The following ALX3 variants were observed in gnomAD, a reference collection of about 807,000 sequenced individuals.
ALX3 encodes ALX homeobox 3.
In ALX3, 17 loss-of-function variants were observed where a neutral mutation model predicts 26.3. The ratio of observed to expected loss-of-function variants is 0.65; its 90% CI spans 0.44 to 0.97. The LOEUF (loss-of-function observed/expected upper bound fraction) is 0.97, where lower values mean the gene tolerates loss of function less well. ALX3 is among the 50% of genes least tolerant of loss of function. The probability of loss-of-function intolerance (pLI) is 0.00; values close to 1 mark genes in which losing one functional copy is unlikely to be tolerated. For missense variants in ALX3, 461 were observed against 466.5 expected, an observed-to-expected ratio of 0.99 and a Z score of 0.11; for synonymous variants, 208 against 201.4, an observed-to-expected ratio of 1.03 and a Z score of -0.28.
Position 110,070,312 on chromosome 1 carries a change from G to A in ALX3, c.277+24C>T, listed in dbSNP as rs773601805. 60 of 1,292,066 alleles carry A rather than the reference G, an allele frequency of 4.6e-5. No homozygotes were observed. In the East Asian group the frequency reaches 1.1e-3, roughly 23 times the overall value. 80.0% of individuals were successfully genotyped at this position (1,292,066 alleles called of 1,614,324 possible). On this transcript the variant is annotated intron_variant, in intron 1 of 3. Coordinates refer to ENST00000647563, the MANE Select transcript of ALX3 (RefSeq NM_006492.3). ...AGAAGAAGAGAGGGTCGGGCTGCGC[G>A]CTACGCCCCGCGCCGCGCGTTACCT...
chr1:110,066,776 C>G (rs1373864439), intron 1 of ALX3, among the ~76,000 whole-genome samples: 2 of 152,174 alleles, frequency 1.3e-5, no homozygotes, highest in Non-Finnish European at 2.9e-5. Flanking sequence ...AGAGGCCCTC[C>G]AAAGCCCTGG....
At chr1:110,061,623 G>T (rs1653649191) in intron 2 of ALX3, 60 bp from the exon 3 acceptor site, 4 of 1,605,800 alleles carry the variant, frequency 2.5e-6, no homozygotes, top group Non-Finnish European at 3.4e-6. Flanking sequence ...AAAGGAGCCT[G>T]CTAGGGAGAG....
intron 3 of ALX3, 91 bp downstream of exon 3, chr1:110,061,344 C>T (rs923489029): frequency 3.7e-5 from 59 of 1,591,414 alleles, no homozygotes; most frequent in Middle Eastern, 3.3e-4. Context: ...TCATACAGAA[C>T]GCTGACGCTC....
intron 3 of ALX3, 157 bp from the exon 4 acceptor site, chr1:110,061,198 G>C: frequency 1.0e-6 from 1 of 1,003,446 alleles, no homozygotes; most frequent in Non-Finnish European, 1.5e-6. Flanking sequence ...ACTGGCAGTG[G>C]CATCTCAGGA....
rs1019628352 is a variant in ALX3 at position 110,070,568 on chromosome 1, G to C, written c.45C>G (p.Pro15=). 24 of 1,308,222 alleles carry C rather than the reference G, an allele frequency of 1.8e-5. No homozygotes were observed. The highest frequency in any genetic ancestry group is 3.5e-5 in the Admixed American group (1 of 28,554). 81.0% of individuals were successfully genotyped at this position (1,308,222 alleles called of 1,614,324 possible). A position where few individuals can be genotyped will look rare whatever the true frequency, so the allele number is the denominator to read the frequency against. ...HCAPFRVGPA[P]GPYVASGDEP... ...CGTCCCCCGAGGCCACATAGGGGCC[G>C]GGTGCAGGCCCCACGCGGAAAGGCG... The change falls in exon 1 of 4, where the codon CCC becomes CCG. Residue 15 remains proline, a synonymous_variant. Coordinates refer to ENST00000647563, the MANE Select transcript of ALX3 (RefSeq NM_006492.3).
rs972662036 is a variant in ALX3 at position 110,060,652 on chromosome 1, G to T, written c.*81C>A. 6.5e-5 allele frequency: 95 copies of T among 1,464,486 alleles called. No individual in the cohort carries two copies. The highest frequency in any genetic ancestry group is 8.1e-5 in the Non-Finnish European group (87 of 1,079,918). The allele number at this position is 1,464,486 out of a possible 1,614,324, so 90.7% of individuals were successfully genotyped here. A position where few individuals can be genotyped will look rare whatever the true frequency, so the allele number is the denominator to read the frequency against. On this transcript the variant is annotated 3_prime_UTR_variant, in exon 4 of 4. Transcript: ENST00000647563. ...CTCGCAGCCTCCAGAACCATCTGGG[G>T]CTTGGAGGCAGAGGTGGGCTGGGAG...
intron 2 of ALX3, chr1:110,061,831 T>C (rs1032260186): frequency 3.8e-6 from 2 of 529,678 alleles, no homozygotes; most frequent in Non-Finnish European, 6.8e-6. Context: ...CCAGCCTGGC[T>C]GTGTCTAGTA....
chr1:110,066,572 T>TGCCCCCCC, intron 1 of ALX3, among the ~76,000 whole-genome samples: 1 of 72,590 alleles, frequency 1.4e-5, no homozygotes, highest in Admixed American at 1.7e-4. Flanking sequence ...GAATGGGACA[T>TGCCCCCCC]CCCCCCCCCC....
At chr1:110,061,704 C>G (rs1354103126) in intron 2 of ALX3, 141 bp from the exon 3 acceptor site, 2 of 1,327,932 alleles carry the variant, frequency 1.5e-6, no homozygotes, top group Non-Finnish European at 2.1e-6. Context: ...TTAATCCACA[C>G]TGTTCTCCAG....
At chr1:110,066,863 C>T (rs961727497) in intron 1 of ALX3, among the ~76,000 whole-genome samples, 5 of 152,148 alleles carry the variant, frequency 3.3e-5, no homozygotes, top group African/African-American at 1.2e-4. Flanking sequence ...CTGAGACTTG[C>T]GTTCCCGACC....
At chr1:110,069,581 C>T (rs937372065) in intron 1 of ALX3, among the ~76,000 whole-genome samples, 1 of 152,228 alleles carries the variant, frequency 6.6e-6, no homozygotes, top group Admixed American at 6.5e-5. Context: ...GGGGGTTAGG[C>T]TGCCCAGGGC....
Position 110,070,382 on chromosome 1 carries a change from G to A in ALX3, c.231C>T (p.Pro77=), listed in dbSNP as rs1021832727. 4.7e-6 allele frequency: 6 copies of A among 1,286,352 alleles called. No individual in the cohort carries two copies. The South Asian group carries it at 1.7e-4, about 36-fold the overall frequency. The allele number at this position is 1,286,352 out of a possible 1,614,324, so 79.7% of individuals were successfully genotyped here. The change falls in exon 1 of 4, where the codon CCC becomes CCT. Residue 77 remains proline (P), a synonymous_variant. Coordinates refer to ENST00000647563, the MANE Select transcript of ALX3 (RefSeq NM_006492.3). The part of the protein sequence containing the change: ...PPAKYLQDLG[P]GPALNGGHFY... ...AGTGGCCGCCGTTGAGGGCCGGGCC[G>A]GGCCCGAGGTCCTGCAGGTACTTGG...
Position 110,061,049 on chromosome 1 carries a change from G to A in ALX3, c.724-8C>T, listed in dbSNP as rs1194144016. ...CCACAGGGAGTTCTGCAGCTGAAAA[G>A]AGAGGGAAAGAAGGCCCATGAGCCT... On this transcript the variant is annotated splice_polypyrimidine_tract_variant and splice_region_variant and intron_variant, in intron 3 of 3. Coordinates refer to ENST00000647563, the MANE Select transcript of ALX3 (RefSeq NM_006492.3). 3 of 1,600,728 alleles carry A rather than the reference G, an allele frequency of 1.9e-6. No homozygotes were observed. The East Asian group carries it at 6.7e-5, about 36-fold the overall frequency.
In ALX3 at chr1:110,060,586, T is replaced by C; in HGVS notation, c.*147A>G. On this transcript the variant is annotated 3_prime_UTR_variant, in exon 4 of 4. Coordinates refer to ENST00000647563, the MANE Select transcript of ALX3 (RefSeq NM_006492.3). ...CACCTTGTTCTAAGAGAAAAGACCC[T>C]GTAACGTGTTCCCTGCTGGGGGCTG... The C allele has an allele frequency of 1.6e-6, 1 of 606,280 alleles. No homozygotes were observed. Among genetic ancestry groups the C allele is most frequent in the Non-Finnish European group, 2.6e-6 (1 of 389,874 alleles). The allele number at this position is 606,280 out of a possible 1,614,324, so 37.6% of individuals were successfully genotyped here.
intron 1 of ALX3, among the ~76,000 whole-genome samples, chr1:110,068,531 T>C (rs1653842215): frequency 6.6e-6 from 1 of 152,260 alleles, no homozygotes; most frequent in South Asian, 2.1e-4. Flanking sequence ...TCCGTTCAAC[T>C]GAAATCGTTA....
chr1:110,066,665 G>T (rs544614287), intron 1 of ALX3, among the ~76,000 whole-genome samples: 1 of 142,878 alleles, frequency 7.0e-6, no homozygotes, highest in African/African-American at 2.6e-5. Flanking sequence ...TTGGTGTCTT[G>T]TGTTTGTAGG....
intron 2 of ALX3, among the ~76,000 whole-genome samples, chr1:110,062,789 G>C (rs1049624188): frequency 6.6e-6 from 1 of 152,116 alleles, no homozygotes; most frequent in Non-Finnish European, 1.5e-5. Context: ...AAGAAAGCAG[G>C]CCTGCAGCAA....
chr1:110,064,846 C>G lies in ALX3; in HGVS notation c.335G>C (p.Gly112Ala). 6.2e-7 allele frequency: 1 copy of G among 1,613,162 alleles called. No individual in the cohort carries two copies. Among genetic ancestry groups the G allele is most frequent in the South Asian group, 1.1e-5 (1 of 91,072 alleles). The change falls in exon 2 of 4, where the codon GGG (glycine) becomes GCG (alanine). Residue 112 changes from glycine to alanine, a missense_variant. Transcript: ENST00000647563. Reference protein sequence around the residue: ...SFPQLPLDCRGGPRDGPSNLQ... With the variant: ...SFPQLPLDCRAGPRDGPSNLQ... ...GTTAGAGGGCCCGTCTCTGGGGCCC[C>G]CTCGGCAGTCCAAGGGCAGCTGGGG...
chr1:110,061,809 C>A (rs78415858), intron 2 of ALX3: 2 of 573,590 alleles, frequency 3.5e-6, no homozygotes, highest in Non-Finnish European at 6.1e-6. Context: ...CAGGTTGAAT[C>A]ACTGTGGTCC....
Sources: allele counts gnomAD v4.1 joint callset (sites outside exome capture counted in the v4.1 genomes callset), GRCh38; gene constraint gnomAD v4.1.1; transcripts MANE v1.5; gene names NCBI Gene and HGNC (gene_info 2026-07-23, HGNC 2026-07-21).